PLCXD3: variants seen among roughly 807,000 people sequenced by gnomAD.
The protein encoded by PLCXD3 is phosphatidylinositol specific phospholipase C X domain containing 3.
Under a neutral mutation model 25.5 loss-of-function variants are expected in PLCXD3, and 19 were observed. The ratio of observed to expected loss-of-function variants is 0.75; its 90% CI spans 0.52 to 1.09. PLCXD3 has a LOEUF of 1.09. Among genes scored for constraint, PLCXD3 ranks in the 50% least tolerant of loss-of-function variants. The probability of loss-of-function intolerance (pLI) is 0.00; values close to 1 mark genes in which losing one functional copy is unlikely to be tolerated. For synonymous variants in PLCXD3, 174 were observed against 137.6 expected (o/e 1.26, Z -1.85); for missense variants, 411 against 388.1 (o/e 1.06, Z -0.50).
chr5:41,499,465 T>C (rs948582343), intron 1 of PLCXD3, among the ~76,000 whole-genome samples: 7 of 151,578 alleles, frequency 4.6e-5, no homozygotes, highest in African/African-American at 1.7e-4. Flanking sequence ...TCACTGAAAA[T>C]TGCAAAACGT....
At chr5:41,497,466 G>T (rs1397559122) in intron 1 of PLCXD3, among the ~76,000 whole-genome samples, 3 of 151,792 alleles carry the variant, frequency 2.0e-5, no homozygotes, top group Non-Finnish European at 4.4e-5. Context: ...AATTGGATGA[G>T]TCAAGTCAAC....
At chr5:41,398,643 T>C (rs1746083077) in intron 1 of PLCXD3, among the ~76,000 whole-genome samples, 2 of 152,194 alleles carry the variant, frequency 1.3e-5, no homozygotes, top group South Asian at 2.1e-4. Flanking sequence ...ATCATTTCAA[T>C]TGATGCTGAA....
At chr5:41,362,162 T>A (rs962011270) in intron 2 of PLCXD3, among the ~76,000 whole-genome samples, 1 of 152,228 alleles carries the variant, frequency 6.6e-6, no homozygotes. Context: ...GTCCCTGAAT[T>A]TGGAAGTAGA....
chr5:41,498,007 G>C (rs565193762), intron 1 of PLCXD3, among the ~76,000 whole-genome samples: 1 of 151,508 alleles, frequency 6.6e-6, no homozygotes, highest in African/African-American at 2.4e-5. Context: ...AAAAAGATGA[G>C]ATGAAAACAC....
intron 2 of PLCXD3, among the ~76,000 whole-genome samples, chr5:41,321,586 A>G (rs1743472463): frequency 6.6e-6 from 1 of 152,318 alleles, no homozygotes; most frequent in Middle Eastern, 3.4e-3. Context: ...GCAAACCTAA[A>G]ATTTATGTGG....
At chr5:41,355,447 A>G (rs1744589866) in intron 2 of PLCXD3, among the ~76,000 whole-genome samples, 1 of 152,216 alleles carries the variant, frequency 6.6e-6, no homozygotes, top group Admixed American at 6.5e-5. Context: ...TAAGAACCAT[A>G]ATATCATAAT....
chr5:41,430,411 C>T (rs1481772154), intron 1 of PLCXD3, among the ~76,000 whole-genome samples: 1 of 152,046 alleles, frequency 6.6e-6, no homozygotes, highest in Admixed American at 6.6e-5. Context: ...TGTAGTTTTC[C>T]AGGGTTAAAT....
At chr5:41,394,755 C>A (rs758439833) in intron 1 of PLCXD3, among the ~76,000 whole-genome samples, 110 of 152,242 alleles carry the variant, frequency 7.2e-4, no homozygotes, top group South Asian at 1.0e-3. Flanking sequence ...ATTAATTTCA[C>A]AAGAGTATAT....
intron 2 of PLCXD3, among the ~76,000 whole-genome samples, chr5:41,350,631 G>A (rs931797346): frequency 1.3e-5 from 2 of 152,066 alleles, no homozygotes; most frequent in East Asian, 1.9e-4. Flanking sequence ...AGCATATAAC[G>A]TGAATCAGCA....
chr5:41,509,926 G>C (rs1402265445), intron 1 of PLCXD3, among the ~76,000 whole-genome samples: 1 of 152,190 alleles, frequency 6.6e-6, no homozygotes. Flanking sequence ...CTTTTTAAAG[G>C]AGATTGGGGA....
At chr5:41,377,165 T>C (rs1158944264) in intron 2 of PLCXD3, among the ~76,000 whole-genome samples, 1 of 152,112 alleles carries the variant, frequency 6.6e-6, no homozygotes, top group East Asian at 1.9e-4. Context: ...CCAGCTAGGT[T>C]GCTTAACACT....
At chr5:41,318,190 G>A (rs894824282) in intron 2 of PLCXD3, among the ~76,000 whole-genome samples, 1 of 152,134 alleles carries the variant, frequency 6.6e-6, no homozygotes, top group Non-Finnish European at 1.5e-5. Flanking sequence ...AAATGTTAAA[G>A]GGAGTACTTC....
chr5:41,446,025 A>C (rs907745962), intron 1 of PLCXD3, among the ~76,000 whole-genome samples: 1 of 149,420 alleles, frequency 6.7e-6, no homozygotes, highest in Non-Finnish European at 1.5e-5. Flanking sequence ...GTGTCTACTA[A>C]AAATACAAAA....
At chr5:41,448,037 C>T (rs1747545182) in intron 1 of PLCXD3, among the ~76,000 whole-genome samples, 1 of 152,194 alleles carries the variant, frequency 6.6e-6, no homozygotes, top group Non-Finnish European at 1.5e-5. Context: ...AGCCTATTCT[C>T]AGGCTCTGGT....
At chr5:41,389,741 T>C (rs1204311349) in intron 1 of PLCXD3, among the ~76,000 whole-genome samples, 28 of 152,210 alleles carry the variant, frequency 1.8e-4, no homozygotes, top group Admixed American at 1.8e-3. Context: ...TTTGTGTTTC[T>C]TTTAAATTTT....
At chr5:41,444,918 G>A (rs747311513) in intron 1 of PLCXD3, among the ~76,000 whole-genome samples, 2 of 152,136 alleles carry the variant, frequency 1.3e-5, no homozygotes, top group African/African-American at 2.4e-5. Flanking sequence ...TATTTTGGGG[G>A]TATTCTACTT....
intron 1 of PLCXD3, among the ~76,000 whole-genome samples, chr5:41,468,782 G>C (rs1748083774): frequency 6.6e-6 from 1 of 151,984 alleles, no homozygotes; most frequent in Admixed American, 6.6e-5. Flanking sequence ...GAGTCTTTAG[G>C]ATTTTTTATA....
chr5:41,509,797 G>A (rs1010453903), intron 1 of PLCXD3, among the ~76,000 whole-genome samples: 6 of 152,210 alleles, frequency 3.9e-5, no homozygotes, highest in African/African-American at 1.4e-4. Context: ...GTCCCCCGGG[G>A]TCCAAACCGA....
At chr5:41,445,781 A>G (rs951038781) in intron 1 of PLCXD3, among the ~76,000 whole-genome samples, 3 of 152,210 alleles carry the variant, frequency 2.0e-5, no homozygotes, top group African/African-American at 7.2e-5. Context: ...ATTTAAAAAA[A>G]TATTTGCCCA....
Sources: gnomAD v4.1 joint callset for allele counts (sites outside exome capture counted in the v4.1 genomes callset) on GRCh38, gnomAD v4.1.1 for gene constraint, MANE v1.5 for transcripts, NCBI Gene and HGNC (gene_info 2026-07-23, HGNC 2026-07-21) for gene names.